The following TIGIT variants were observed in gnomAD, a reference collection of about 807,000 sequenced individuals.
TIGIT encodes T-cell immunoreceptor with Ig and ITIM domains.
A neutral mutation model predicts 19.6 loss-of-function variants in TIGIT; 11 were observed. The ratio of observed to expected loss-of-function variants is 0.56; its 90% CI spans 0.35 to 0.93. TIGIT has a LOEUF of 0.93. TIGIT is among the 40% of genes least tolerant of loss of function. The pLI, the probability that TIGIT is intolerant of heterozygous loss-of-function variation, is 0.01. For synonymous variants in TIGIT, 130 were observed against 125.5 expected, an observed-to-expected ratio of 1.04 and a Z score of -0.24; for missense variants, 295 against 303.9, an observed-to-expected ratio of 0.97 and a Z score of 0.22.
At chr3:114,305,895 T>C (rs879420202) in intron 3 of TIGIT, among the ~76,000 whole-genome samples, 1 of 151,496 alleles carries the variant, frequency 6.6e-6, no homozygotes, top group African/African-American at 2.4e-5. Context: ...GATAGATAGA[T>C]AGATAGATAG....
In TIGIT at chr3:114,294,054, G is replaced by A; in HGVS notation, c.-8G>A. The stretch of plus-strand genomic sequence containing the variant: ...CATCTGCTTCCTGTAGGCCCTCTGG[G>A]CAGAAGCATGCGCTGGTGTCTCCTC... On this transcript the variant is annotated 5_prime_UTR_variant, in exon 1 of 4. Coordinates refer to ENST00000383671, the MANE Select transcript of TIGIT (RefSeq NM_173799.4). 6.4e-7 allele frequency: 1 copy of A among 1,551,756 alleles called. No homozygotes were observed. Among genetic ancestry groups the A allele is most frequent in the Non-Finnish European group, 8.7e-7 (1 of 1,146,772 alleles).
intron 3 of TIGIT, among the ~76,000 whole-genome samples, chr3:114,305,815 TGGATGG>T (rs2078530081): frequency 6.6e-6 from 1 of 150,858 alleles, no homozygotes; most frequent in African/African-American, 2.4e-5. Context: ...GATGGATGGA[TGGATGG>T]ATGGATGGTT....
intron 1 of TIGIT, among the ~76,000 whole-genome samples, chr3:114,295,337 C>T (rs999148377): frequency 2.6e-5 from 4 of 152,072 alleles, no homozygotes; most frequent in African/African-American, 9.6e-5. Context: ...GGACTGGGAG[C>T]CTTGAATAAC....
At chr3:114,305,908 G>A (rs955248001) in intron 3 of TIGIT, among the ~76,000 whole-genome samples, 4 of 127,614 alleles carry the variant, frequency 3.1e-5, no homozygotes, top group African/African-American at 1.1e-4. Context: ...ATAGATAGAT[G>A]AGGAGGGATT....
intron 3 of TIGIT, among the ~76,000 whole-genome samples, chr3:114,306,015 A>G (rs1455106780): frequency 1.3e-5 from 2 of 152,092 alleles, no homozygotes; most frequent in Non-Finnish European, 2.9e-5. Context: ...AGCATGGCTC[A>G]GTTCAAGTCC....
chr3:114,299,680 G>C lies in TIGIT; in HGVS notation c.475G>C (p.Val159Leu), dbSNP rs143771376. 1 of 1,612,370 alleles carries C rather than the reference G, an allele frequency of 6.2e-7. No homozygotes were observed. The highest frequency in any genetic ancestry group is 1.3e-5 in the African/African-American group (1 of 74,982). The change falls in exon 3 of 4, where the codon GTG (valine) becomes CTG (leucine). Residue 159 changes from valine (V) to leucine (L), a missense_variant. Val to Leu is a conservative substitution (Grantham distance 32). Coordinates refer to ENST00000383671, the MANE Select transcript of TIGIT (RefSeq NM_173799.4). ...GGTGGTCATCTGCACAGCAGTCATC[G>C]TGGTGGTCGCGTTGACTAGAAAGGT... ...TLVVICTAVI[V>L]VVALTRKKKA...
chr3:114,303,505 G>GTA (rs1272943081), intron 3 of TIGIT, among the ~76,000 whole-genome samples: 19 of 117,286 alleles, frequency 1.6e-4, no homozygotes, highest in African/African-American at 5.2e-4. Context: ...ATATATATAT[G>GTA]TATATATATA....
chr3:114,297,596 G>A (rs2078463566), intron 2 of TIGIT, among the ~76,000 whole-genome samples: 1 of 152,202 alleles, frequency 6.6e-6, no homozygotes, highest in African/African-American at 2.4e-5. Context: ...GAAGGCCCCT[G>A]TGGAGTGGTA....
At chr3:114,306,493 A>G (rs1292664722) in intron 3 of TIGIT, among the ~76,000 whole-genome samples, 1 of 82,040 alleles carries the variant, frequency 1.2e-5, no homozygotes, top group African/African-American at 3.1e-5. Context: ...TTGGAATCAG[A>G]CAGTCCTAGG....
chr3:114,298,997 T>C (rs2078472497), intron 2 of TIGIT, among the ~76,000 whole-genome samples: 1 of 152,208 alleles, frequency 6.6e-6, no homozygotes, highest in Non-Finnish European at 1.5e-5. Flanking sequence ...AATGCACTAG[T>C]TCATGATTTC....
At chr3:114,307,608 T>C in intron 3 of TIGIT, 1 of 406,716 alleles carries the variant, frequency 2.5e-6, no homozygotes, top group Non-Finnish European at 4.6e-6. Flanking sequence ...CAGTAAACAG[T>C]ACAAGAAAAT....
intron 1 of TIGIT, 91 bp downstream of exon 1, chr3:114,294,213 G>C (rs2078439258): frequency 1.0e-6 from 1 of 985,866 alleles, no homozygotes; most frequent in Non-Finnish European, 1.5e-6. Flanking sequence ...AAGACTCCAA[G>C]AGCATGCCAC....
At chr3:114,297,332 A>G (rs887895388) in intron 2 of TIGIT, among the ~76,000 whole-genome samples, 1 of 152,144 alleles carries the variant, frequency 6.6e-6, no homozygotes, top group Non-Finnish European at 1.5e-5. Context: ...TAATTTCATG[A>G]GCTGATACAA....
At chr3:114,307,478 G>C (rs1338327599) in intron 3 of TIGIT, 1 of 194,894 alleles carries the variant, frequency 5.1e-6, no homozygotes, top group Non-Finnish European at 1.1e-5. Context: ...AAAAGGGGCA[G>C]GCCTGGCTGA....
chr3:114,306,841 A>G (rs559455368), intron 3 of TIGIT, among the ~76,000 whole-genome samples: 1 of 152,212 alleles, frequency 6.6e-6, no homozygotes, highest in African/African-American at 2.4e-5. Context: ...CCAGCTGTGC[A>G]TCTCAGGTTA....
chr3:114,303,586 T>TATATATGTATATATATATAC lies in TIGIT; in HGVS notation c.498+3884_498+3885insTATATGTATATATATATACA, dbSNP rs1560033631. On this transcript the variant is annotated intron_variant, in intron 3 of 3. Transcript: ENST00000383671. Reference sequence around the variant, plus strand: ...ATACATATATATGTATATATATATATACATATATATGTATATATATATATA... The same window carrying TATATATGTATATATATATAC: ...ATACATATATATGTATATATATATATATATATGTATATATATATACACATATATATGTATATATATATATA... Among the ~76,000 whole-genome samples, 33 of 24,068 alleles carry TATATATGTATATATATATAC rather than the reference T, an allele frequency of 1.4e-3. 1 individual carries two copies. Among genetic ancestry groups the TATATATGTATATATATATAC allele is most frequent in the African/African-American group, 4.8e-3 (32 of 6,682 alleles). The allele number at this position is 24,068 out of a possible 152,430, so 15.8% of individuals were successfully genotyped here. A position where few individuals can be genotyped will look rare whatever the true frequency, so the allele number is the denominator to read the frequency against.
chr3:114,299,826 C>CT (rs962967800), intron 3 of TIGIT, 123 bp downstream of exon 3: 29 of 638,200 alleles, frequency 4.5e-5, no homozygotes, highest in African/African-American at 2.9e-4. Flanking sequence ...CTCTTTGTGC[C>CT]TTTTTCCTGG....
chr3:114,303,509 ATATATATACACATATATATG>A, intron 3 of TIGIT, among the ~76,000 whole-genome samples: 2 of 7,076 alleles, frequency 2.8e-4, no homozygotes, highest in African/African-American at 3.8e-4. Flanking sequence ...ATATATGTAT[ATATATATACACATATATATG>A]TATATATATA....
intron 2 of TIGIT, chr3:114,296,103 T>TG (rs1327604198): frequency 1.0e-5 from 5 of 487,474 alleles, no homozygotes; most frequent in Non-Finnish European, 1.8e-5. Flanking sequence ...GTGATTCTAA[T>TG]GGGCAGCCAA....
Sources: allele counts gnomAD v4.1 joint callset (sites outside exome capture counted in the v4.1 genomes callset), GRCh38; gene constraint gnomAD v4.1.1; transcripts MANE v1.5; gene names NCBI Gene and HGNC (gene_info 2026-07-23, HGNC 2026-07-21).